Variants in ANKRD33 observed in about 807,000 individuals in gnomAD.
The protein encoded by ANKRD33 is photoreceptor ankyrin repeat protein.
A neutral mutation model predicts 20.6 loss-of-function variants in ANKRD33; 20 were observed. The ratio of observed to expected loss-of-function variants is 0.97; its 90% CI spans 0.68 to 1.41. ANKRD33 has a LOEUF of 1.41. Among genes scored for constraint, ANKRD33 ranks in the 40% most tolerant of loss-of-function variants. The pLI is 0.00. For missense variants in ANKRD33, 545 were observed against 579.6 expected, an observed-to-expected ratio of 0.94 and a Z score of 0.61; for synonymous variants, 246 against 245.0, an observed-to-expected ratio of 1.00 and a Z score of -0.04.
Position 51,890,925 on chromosome 12 carries a change from C to G in ANKRD33, c.979C>G (p.Leu327Val). 1 of 1,613,658 alleles carries G rather than the reference C, an allele frequency of 6.2e-7. No individual in the cohort carries two copies. The highest frequency in any genetic ancestry group is 8.5e-7 in the Non-Finnish European group (1 of 1,180,032). The change falls in exon 5 of 5, where the codon CTG becomes GTG. Residue 327 changes from leucine to valine, a missense_variant. Transcript: ENST00000301190. ...CTTCGTCACCACTGCCTGCCACACT[C>G]TGTGCCCTGACCATCCACCTTCGCT... ...SPFVTTACHTLCPDHPPSLGT... is the reference protein window; with the variant it reads ...SPFVTTACHTVCPDHPPSLGT...
At position 51,890,684 on chromosome 12, in the gene ANKRD33, G is replaced by A; in HGVS notation, c.738G>A (p.Leu246=). 6.2e-7 allele frequency: 1 copy of A among 1,605,038 alleles called. No homozygotes were observed. The highest frequency in any genetic ancestry group is 8.5e-7 in the Non-Finnish European group (1 of 1,179,970). Residue 246 remains leucine, a synonymous_variant, in exon 5 of 5, where the codon CTG becomes CTA. Transcript: ENST00000301190. ...SFDTVWRIRQ[L]LRRPQVEQLS... ...ACACCGTGTGGAGGATTCGGCAGCT[G>A]CTGAGGCGGCCCCAAGTGGAGCAGC... is the stretch of plus-strand genomic sequence containing the variant.
At position 51,891,113 on chromosome 12, in the gene ANKRD33, C is replaced by T. The variant is rs147230326; in HGVS notation, c.1167C>T (p.Pro389=). 256 of 1,614,074 alleles carry T rather than the reference C, an allele frequency of 1.6e-4. 2 individuals carry two copies. In the Middle Eastern group the frequency reaches 2.0e-3, roughly 12 times the overall value. ...GCAAGTGCCTTCAGTGGCTACAACC[C>T]AGGGATAGCACCAGCCCCAGGCCCC... The part of the protein sequence containing the change: ...ILSKCLQWLQ[P]RDSTSPRPQV... The change falls in exon 5 of 5, where the codon CCC becomes CCT. Residue 389 remains proline, a synonymous_variant. Coordinates refer to ENST00000301190, the MANE Select transcript of ANKRD33 (RefSeq NM_182608.4).
rs12227812 is a variant in ANKRD33, at chr12:51,889,274, G to T, written c.526+78G>T. ...GCCTCAGCCCCACCCTTGTTGCACG[G>T]TGTTCTACACCAGACTCTGTCATGC... On this transcript the variant is annotated intron_variant, in intron 3 of 4. Coordinates refer to ENST00000301190, the MANE Select transcript of ANKRD33 (RefSeq NM_182608.4). 0.016 allele frequency: 26,508 copies of T among 1,610,618 alleles called. 1,858 individuals carry two copies. In the Admixed American group the frequency reaches 0.19, roughly 12 times the overall value.
At chr12:51,888,969 T>C (rs1286116219) in intron 2 of ANKRD33, 98 bp from the exon 3 acceptor site, 1 of 1,587,886 alleles carries the variant, frequency 6.3e-7, no homozygotes, top group Non-Finnish European at 8.6e-7. Flanking sequence ...TTCACGGGGT[T>C]TGGGGCAGGC....
rs1224893518 is a variant in ANKRD33, at chr12:51,890,591, C to T, written c.645C>T (p.Asp215=). ...CCCTGTGCTCCTTCCCAGGTGCTGA[C>T]CTGACAGCAGTGGACCCTGTTCGGG... is the stretch of plus-strand genomic sequence containing the variant. ...MKAAMRNRCA[D]LTAVDPVRGK... is the part of the protein sequence containing the mutation. Residue 215 remains aspartate (D), a synonymous_variant, in exon 5 of 5, where the codon GAC becomes GAT. Transcript: ENST00000301190. 4.3e-6 allele frequency: 7 copies of T among 1,610,402 alleles called. No homozygotes were observed. The highest frequency in any genetic ancestry group is 5.9e-6 in the Non-Finnish European group (7 of 1,179,644).
chr12:51,889,400 C>T lies in ANKRD33; in HGVS notation c.555C>T (p.Leu185=). 1 of 1,614,128 alleles carries T rather than the reference C, an allele frequency of 6.2e-7. No individual in the cohort carries two copies. The highest frequency in any genetic ancestry group is 8.5e-7 in the Non-Finnish European group (1 of 1,180,022). Residue 185 remains leucine, a synonymous_variant, in exon 4 of 5, where the codon CTC becomes CTT. Coordinates refer to ENST00000301190, the MANE Select transcript of ANKRD33 (RefSeq NM_182608.4). ...ACGTGCCTCTAGTGAGTCTCCTGCT[C>T]AACTACTATGTGGGCCTGGACCTGG... ...AGHVPLVSLL[L]NYYVGLDLER...
chr12:51,888,448 C>T (rs1940292733), intron 1 of ANKRD33, 117 bp downstream of exon 1: 4 of 1,569,152 alleles, frequency 2.5e-6, no homozygotes, highest in Admixed American at 2.0e-5. Flanking sequence ...GTGGATGGGG[C>T]GAGACCCCTG....
chr12:51,888,595 A>C lies in ANKRD33; in HGVS notation c.173A>C (p.His58Pro). 2 of 1,561,012 alleles carry C rather than the reference A, an allele frequency of 1.3e-6. No homozygotes were observed. Among genetic ancestry groups the C allele is most frequent in the Non-Finnish European group, 1.7e-6 (2 of 1,155,466 alleles). The change falls in exon 2 of 5, where the codon CAC becomes CCC. Residue 58 changes from histidine (H) to proline (P), a missense_variant. Physicochemically the swap from His to Pro is moderately conservative, Grantham distance 77 (BLOSUM62 -2). Transcript: ENST00000301190. ...PNASCMRKGT[H>P]LLVPCLEEEE... ...GCCAGCTGCATGAGAAAAGGGACTC[A>C]CCTTCTGGTTCCCTGCCTGGAAGAG...
chr12:51,890,787 C>T lies in ANKRD33; in HGVS notation c.841C>T (p.Pro281Ser), dbSNP rs1280994269. 5 of 1,602,774 alleles carry T rather than the reference C, an allele frequency of 3.1e-6. No individual in the cohort carries two copies. The highest frequency in any genetic ancestry group is 3.4e-6 in the Non-Finnish European group (4 of 1,175,884). The stretch of plus-strand genomic sequence containing the variant: ...GGCCCAGGCCCAGGCCCAGGTTGCC[C>T]CTTCACTCCTAGAACGGCTGCAGGC... ...AQAQAQAQVA[P>S]SLLERLQATL... The change falls in exon 5 of 5, where the codon CCT (proline) becomes TCT (serine). Residue 281 changes from proline (P) to serine (S), a missense_variant. By Grantham distance (74) the Pro-to-Ser change is moderately conservative. Coordinates refer to ENST00000301190, the MANE Select transcript of ANKRD33 (RefSeq NM_182608.4).
chr12:51,891,648 A>T lies in ANKRD33; in HGVS notation c.*343A>T, dbSNP rs754680462. On this transcript the variant is annotated 3_prime_UTR_variant, in exon 5 of 5. Coordinates refer to ENST00000301190, the MANE Select transcript of ANKRD33 (RefSeq NM_182608.4). ...AAGATGTATAAAGTAAAAATAACTA[A>T]GGAGTGGAACAGTGTATATGGCATA... 9.6e-6 allele frequency: 3 copies of T among 312,142 alleles called. No individual in the cohort carries two copies. The highest frequency in any genetic ancestry group is 1.8e-5 in the Non-Finnish European group (3 of 169,050). The allele number at this position is 312,142 out of a possible 1,614,324, so 19.3% of individuals were successfully genotyped here. A position where few individuals can be genotyped will look rare whatever the true frequency, so the allele number is the denominator to read the frequency against.
In ANKRD33 at chr12:51,889,071, G is replaced by A; in HGVS notation, c.401G>A (p.Gly134Asp). 1 of 1,614,154 alleles carries A rather than the reference G, an allele frequency of 6.2e-7. No homozygotes were observed. Among genetic ancestry groups the A allele is most frequent in the African/African-American group, 1.3e-5 (1 of 75,030 alleles). ...TCTGAGCTGCCCCTCCCTCAGACAGGCCTCATGGTCGCATGCTACCACGGC... is the reference window on the plus strand; with the variant it reads ...TCTGAGCTGCCCCTCCCTCAGACAGACCTCATGGTCGCATGCTACCACGGC... Reference protein sequence around the residue: ...ATQVDSNGRTGLMVACYHGFQ... With the variant: ...ATQVDSNGRTDLMVACYHGFQ... Residue 134 changes from glycine to aspartate, a missense_variant, in exon 3 of 5, where the codon GGC becomes GAC. By Grantham distance (94) the Gly-to-Asp change is moderately conservative (BLOSUM62 -1). Coordinates refer to ENST00000301190, the MANE Select transcript of ANKRD33 (RefSeq NM_182608.4).
At chr12:51,888,926 C>A in intron 2 of ANKRD33, 108 bp downstream of exon 2, 1 of 1,584,388 alleles carries the variant, frequency 6.3e-7, no homozygotes, top group Non-Finnish European at 8.6e-7. Context: ...CTCCTGCAGT[C>A]CTAAGGAGGA....
intron 3 of ANKRD33, 29 bp downstream of exon 3, chr12:51,889,225 C>T: frequency 6.2e-7 from 1 of 1,613,964 alleles, no homozygotes. Context: ...CCACTTCCGA[C>T]AGCCCCCTTT....
Position 51,890,728 on chromosome 12 carries a change from C to G in ANKRD33, c.782C>G (p.Pro261Arg). ...QVEQLSQHYK[P>R]EWPALSGLVA... ...GAGCAGCTTAGCCAGCACTACAAGC[C>G]CGAGTGGCCGGCCTTGTCCGGGCTC... Residue 261 changes from proline to arginine, a missense_variant, in exon 5 of 5, where the codon CCC (proline) becomes CGC (arginine). Transcript: ENST00000301190. 1 of 1,604,016 alleles carries G rather than the reference C, an allele frequency of 6.2e-7. No individual in the cohort carries two copies. Among genetic ancestry groups the G allele is most frequent in the Non-Finnish European group, 8.5e-7 (1 of 1,179,928 alleles).
intron 2 of ANKRD33, 111 bp downstream of exon 2, chr12:51,888,929 A>G: frequency 1.3e-6 from 2 of 1,580,882 alleles, no homozygotes; most frequent in Non-Finnish European, 8.6e-7. Context: ...CTGCAGTCCT[A>G]AGGAGGAAGG....
chr12:51,888,575 C>A lies in ANKRD33; in HGVS notation c.153C>A (p.Ser51Arg). Residue 51 changes from serine (S) to arginine (R), a missense_variant, in exon 2 of 5, where the codon AGC becomes AGA. By Grantham distance (110) the Ser-to-Arg change is moderately radical. Coordinates refer to ENST00000301190, the MANE Select transcript of ANKRD33 (RefSeq NM_182608.4). The part of the protein sequence containing the change: ...LIDTLRTPNA[S>R]CMRKGTHLLV... ...CTCCATTCTGTGTTTTAGATGCCAGCTGCATGAGAAAAGGGACTCACCTTC... is the reference window on the plus strand; with the variant it reads ...CTCCATTCTGTGTTTTAGATGCCAGATGCATGAGAAAAGGGACTCACCTTC... 1 of 1,548,312 alleles carries A rather than the reference C, an allele frequency of 6.5e-7. No individual in the cohort carries two copies. The highest frequency in any genetic ancestry group is 8.7e-7 in the Non-Finnish European group (1 of 1,150,286).
In ANKRD33 at chr12:51,891,164, G is replaced by C; in HGVS notation, c.1218G>C (p.Lys406Asn). The change falls in exon 5 of 5, where the codon AAG (lysine) becomes AAC (asparagine). Residue 406 changes from lysine (K) to asparagine (N), a missense_variant. Transcript: ENST00000301190. ...AAGTCCCCAAGATCCTCCTCTCCAAGGCATCCTCATCCTCCCACCAGTGCC... is the reference window on the plus strand; with the variant it reads ...AAGTCCCCAAGATCCTCCTCTCCAACGCATCCTCATCCTCCCACCAGTGCC... ...RPQVPKILLS[K>N]ASSSSHQCQP... 1 of 1,614,202 alleles carries C rather than the reference G, an allele frequency of 6.2e-7. No homozygotes were observed. Among genetic ancestry groups the C allele is most frequent in the Non-Finnish European group, 8.5e-7 (1 of 1,180,022 alleles).
In ANKRD33 at chr12:51,889,443, G is replaced by C. The variant is rs1452972226; in HGVS notation, c.598G>C (p.Gly200Arg). ...GLDLERRDQR[G>R]LTALMKAAMR... ...GGACCTGGAACGCCGGGACCAGCGG[G>C]GGCTCACGGCGTTAATGAAGGCTGC... The change falls in exon 4 of 5, where the codon GGG becomes CGG. Residue 200 changes from glycine to arginine, a missense_variant. By Grantham distance (125) the Gly-to-Arg change is moderately radical. Transcript: ENST00000301190. The C allele has an allele frequency of 5.0e-6, 8 of 1,614,058 alleles. No homozygotes were observed. The highest frequency in any genetic ancestry group is 6.8e-6 in the Non-Finnish European group (8 of 1,180,006).
Position 51,888,583 on chromosome 12 carries a change from G to C in ANKRD33, c.161G>C (p.Arg54Thr), listed in dbSNP as rs1172857274. Residue 54 changes from arginine (R) to threonine (T), a missense_variant, in exon 2 of 5, where the codon AGA (arginine) becomes ACA (threonine). Physicochemically the swap from Arg to Thr is moderately conservative, Grantham distance 71. Coordinates refer to ENST00000301190, the MANE Select transcript of ANKRD33 (RefSeq NM_182608.4). ...TLRTPNASCMRKGTHLLVPCL... is the reference protein window; with the variant it reads ...TLRTPNASCMTKGTHLLVPCL... Reference sequence around the variant, plus strand: ...TGTGTTTTAGATGCCAGCTGCATGAGAAAAGGGACTCACCTTCTGGTTCCC... The same window carrying C: ...TGTGTTTTAGATGCCAGCTGCATGACAAAAGGGACTCACCTTCTGGTTCCC... 6.4e-7 allele frequency: 1 copy of C among 1,554,500 alleles called. No homozygotes were observed.
Sources: allele counts gnomAD v4.1 joint callset, GRCh38; gene constraint gnomAD v4.1.1; transcripts MANE v1.5; gene names NCBI Gene and HGNC (gene_info 2026-07-23, HGNC 2026-07-21).